The following PCDH19 variants were observed in gnomAD, a reference collection of about 807,000 sequenced individuals.
PCDH19 encodes protocadherin 19.
Under a neutral mutation model 46.2 loss-of-function variants are expected in PCDH19, and 6 were observed. The observed-to-expected ratio is 0.13, with a 90% CI of 0.07 to 0.26. The LOEUF is 0.26. Ranked by LOEUF, PCDH19 falls within the 10% of genes least tolerant of loss-of-function variation. The pLI is 1.00. For missense variants in PCDH19, 740 were observed against 972.3 expected (o/e 0.76, Z 3.18); for synonymous variants, 481 against 415.7 (o/e 1.16, Z -1.91).
chrX:100,325,573 T>C (rs1414820009), intron 5 of PCDH19, among the ~76,000 whole-genome samples: 1 of 111,295 alleles, frequency 9.0e-6, no homozygotes, highest in Non-Finnish European at 1.9e-5. Flanking sequence ...TTTCACCATG[T>C]TGGCCAGGCT....
intron 5 of PCDH19, among the ~76,000 whole-genome samples, chrX:100,329,670 G>A (rs1368977399): frequency 9.0e-6 from 1 of 111,511 alleles, no homozygotes; most frequent in Non-Finnish European, 1.9e-5. Context: ...AGCACTTTGG[G>A]AGGCCGAGGT....
intron 3 of PCDH19, among the ~76,000 whole-genome samples, chrX:100,357,871 C>T (rs1350748637): frequency 3.6e-5 from 4 of 111,808 alleles, no homozygotes; most frequent in Non-Finnish European, 7.5e-5. Context: ...ATTTAGCATG[C>T]GTTCATATAA....
chrX:100,325,203 A>G (rs766677941), intron 5 of PCDH19, among the ~76,000 whole-genome samples: 139 of 109,833 alleles, frequency 1.3e-3, no homozygotes, highest in Middle Eastern at 9.2e-3. Flanking sequence ...TCTTATCAAC[A>G]TTAATGCAAC....
intron 3 of PCDH19, among the ~76,000 whole-genome samples, chrX:100,385,848 C>T (rs777134538): frequency 3.6e-5 from 4 of 110,380 alleles, no homozygotes; most frequent in Non-Finnish European, 5.7e-5. Context: ...GAGCCGAGAT[C>T]GAGCCACTGT....
chrX:100,349,290 C>T lies in PCDH19; in HGVS notation c.2675+1356G>A, dbSNP rs759004720. Among the ~76,000 whole-genome samples, 10 of 111,819 alleles carry T rather than the reference C, an allele frequency of 8.9e-5. No individual in the cohort carries two copies. The East Asian group carries it at 1.7e-3, about 19-fold the overall frequency. On this transcript the variant is annotated intron_variant, in intron 4 of 5. Coordinates refer to ENST00000373034, the MANE Select transcript of PCDH19 (RefSeq NM_001184880.2). ...TATTTTTTTCTTTCTAAAACAAATT[C>T]GTCAGATAATTTTGAATTCCTCACC...
rs995172368 is a variant in PCDH19 at position 100,410,051 on chromosome X, G to A, written c.-1454C>T. On this transcript the variant is annotated 5_prime_UTR_variant, in exon 1 of 6. Transcript: ENST00000373034. The stretch of plus-strand genomic sequence containing the variant: ...AGCAGGAGGCAATGGGTTTGGGGTA[G>A]GAGGTTTAGGATTTCGGATGAAATC... The A allele has an allele frequency of 5.4e-5, 16 of 295,081 alleles. No individual in the cohort carries two copies. Among genetic ancestry groups the A allele is most frequent in the Admixed American group, 5.0e-4 (8 of 16,131 alleles). The allele number at this position is 295,081 out of a possible 1,213,427, so 24.3% of individuals were successfully genotyped here. A position where few individuals can be genotyped will look rare whatever the true frequency, so the allele number is the denominator to read the frequency against.
At chrX:100,341,174 G>A (rs773087879) in intron 5 of PCDH19, among the ~76,000 whole-genome samples, 27 of 112,084 alleles carry the variant, frequency 2.4e-4, no homozygotes, top group Non-Finnish European at 4.5e-4. Flanking sequence ...AGTGCCTCTC[G>A]ATAAAGCATG....
At chrX:100,321,642 T>C (rs1464418768) in intron 5 of PCDH19, among the ~76,000 whole-genome samples, 1 of 110,350 alleles carries the variant, frequency 9.1e-6, no homozygotes, top group Non-Finnish European at 1.9e-5. Context: ...ATTGATTTGT[T>C]TGAGTTCGTT....
intron 3 of PCDH19, among the ~76,000 whole-genome samples, chrX:100,372,298 A>G (rs757013009): frequency 8.9e-6 from 1 of 111,924 alleles, no homozygotes; most frequent in Admixed American, 9.5e-5. Context: ...AGATGTCAGA[A>G]CCTGATCCTG....
chrX:100,322,865 A>ATATATATATTTTTTTTT lies in PCDH19; in HGVS notation c.2848+19037_2848+19038insAAAAAAAAATATATATA. On this transcript the variant is annotated intron_variant, in intron 5 of 5. Transcript: ENST00000373034. ...TATATATATATATATATATATATAT[A>ATATATATATTTTTTTTT]TTTTTGCAGCTATTGTAAAAGGGGT... Among the ~76,000 whole-genome samples the ATATATATATTTTTTTTT allele has an allele frequency of 6.5e-3, 354 of 54,229 alleles. 4 individuals are homozygous for ATATATATATTTTTTTTT. Among genetic ancestry groups the ATATATATATTTTTTTTT allele is most frequent in the Non-Finnish European group, 0.01 (307 of 30,056 alleles). 47.1% of individuals were successfully genotyped at this position (54,229 alleles called of 115,157 possible).
chrX:100,332,382 C>G (rs1484744085), intron 5 of PCDH19, among the ~76,000 whole-genome samples: 6 of 109,973 alleles, frequency 5.5e-5, no homozygotes, highest in African/African-American at 2.0e-4. Flanking sequence ...ATTAGCTGGG[C>G]TTGGTGGCAC....
Position 100,402,568 on chromosome X carries a change from G to A in PCDH19, c.2572C>T (p.Pro858Ser), listed in dbSNP as rs1425103514. Residue 858 changes from proline (P) to serine (S), a missense_variant, in exon 3 of 6, where the codon CCC becomes TCC. Pro to Ser is a moderately conservative substitution (Grantham distance 74). This residue lies in a region of PCDH19 where 416 missense variants were observed against 476.8 expected (regional missense o/e 0.87). Transcript: ENST00000373034. ...IYHHSFNSQG[P>S]QQPDLIINGV... ...TTGATAATCAGGTCAGGCTGCTGGG[G>A]CCCCTGGCTGTTGAAAGAGTGATGG... 2.5e-6 allele frequency: 3 copies of A among 1,209,929 alleles called. No homozygotes were observed. The highest frequency in any genetic ancestry group is 3.4e-6 in the Non-Finnish European group (3 of 895,063).
chrX:100,406,273 G>T (rs1433364866), intron 1 of PCDH19, among the ~76,000 whole-genome samples, 178 bp downstream of exon 1: 1 of 112,029 alleles, frequency 8.9e-6, no homozygotes, highest in Non-Finnish European at 1.9e-5. Context: ...CCAGCAAATT[G>T]TCAGATCAAA....
At position 100,404,099 on chromosome X, in the gene PCDH19, G is replaced by A. The variant is rs1928275310; in HGVS notation, c.2148-435C>T. 2.7e-5 allele frequency among the ~76,000 whole-genome samples: 3 copies of A among 111,989 alleles called. No homozygotes were observed. In the South Asian group the frequency reaches 1.1e-3, roughly 42 times the overall value. On this transcript the variant is annotated intron_variant, in intron 1 of 5. Coordinates refer to ENST00000373034, the MANE Select transcript of PCDH19 (RefSeq NM_001184880.2). ...ATAAATGAATGCATTTCAGGAAGAG[G>A]TTCTGCGGAGGCTTAGAAAAAGAAA...
chrX:100,403,455 C>CA, intron 2 of PCDH19, 69 bp downstream of exon 2: 4 of 1,121,050 alleles, frequency 3.6e-6, no homozygotes, highest in Non-Finnish European at 4.9e-6. Flanking sequence ...TACTCACCCC[C>CA]CGACCCCCTC....
At chrX:100,337,123 T>C (rs937005334) in intron 5 of PCDH19, among the ~76,000 whole-genome samples, 5 of 111,418 alleles carry the variant, frequency 4.5e-5, no homozygotes, top group African/African-American at 1.6e-4. Flanking sequence ...AATCACTCTT[T>C]TTAGAGAGTC....
intron 5 of PCDH19, among the ~76,000 whole-genome samples, chrX:100,316,111 G>A (rs1157687290): frequency 8.9e-6 from 1 of 111,823 alleles, no homozygotes; most frequent in Non-Finnish European, 1.9e-5. Flanking sequence ...TGCATCAACA[G>A]TAATTTATTG....
intron 3 of PCDH19, among the ~76,000 whole-genome samples, chrX:100,355,782 G>A (rs949431723): frequency 9.0e-6 from 1 of 111,195 alleles, no homozygotes; most frequent in Non-Finnish European, 1.9e-5. Context: ...CGTTTGGGTG[G>A]GGGATATGTT....
Position 100,296,614 on chromosome X carries a change from C to T in PCDH19, c.3110G>A (p.Arg1037Lys). 2 of 1,211,656 alleles carry T rather than the reference C, an allele frequency of 1.7e-6. No individual in the cohort carries two copies. The highest frequency in any genetic ancestry group is 2.2e-5 in the Admixed American group (1 of 46,056). Residue 1037 changes from arginine (R) to lysine (K), a missense_variant, in exon 6 of 6, where the codon AGG becomes AAG. Physicochemically the swap from Arg to Lys is conservative, Grantham distance 26. Transcript: ENST00000373034. Reference sequence around the variant, plus strand: ...GCTGCAGATGGTCACATCGACAGTCCTCTTGCCTTTCAGGGTAGGCCTCTC... The same window carrying T: ...GCTGCAGATGGTCACATCGACAGTCTTCTTGCCTTTCAGGGTAGGCCTCTC... ...AEERPTLKGK[R>K]TVDVTICSPK...
Sources: allele counts gnomAD v4.1 joint callset (sites outside exome capture counted in the v4.1 genomes callset), GRCh38; gene constraint gnomAD v4.1.1; regional missense constraint gnomAD v4.1.1; transcripts MANE v1.5; gene names NCBI Gene and HGNC (gene_info 2026-07-23, HGNC 2026-07-21).